Variants in WDR7 observed in about 807,000 individuals in gnomAD.
WDR7 encodes WD repeat-containing protein 7.
A neutral mutation model predicts 169.4 loss-of-function variants in WDR7; 46 were observed. The observed-to-expected ratio is 0.27, with a 90% CI of 0.21 to 0.35. The LOEUF is 0.35. Among genes scored for constraint, WDR7 ranks in the 10% least tolerant of loss-of-function variants. The pLI is 1.00. For missense variants in WDR7, 1,534 were observed against 1,859.3 expected (o/e 0.83, Z 3.22); for synonymous variants, 612 against 666.8 (o/e 0.92, Z 1.27).
chr18:56,770,933 T>G (rs2044145716), intron 16 of WDR7, among the ~76,000 whole-genome samples: 1 of 152,198 alleles, frequency 6.6e-6, no homozygotes, highest in Non-Finnish European at 1.5e-5. Flanking sequence ...TTTGCATATA[T>G]TGTTTGTATC....
At chr18:56,787,756 G>A (rs2044424744) in intron 19 of WDR7, among the ~76,000 whole-genome samples, 1 of 152,224 alleles carries the variant, frequency 6.6e-6, no homozygotes, top group Non-Finnish European at 1.5e-5. Context: ...TTATAAAGTA[G>A]TGGTCATTCT....
At chr18:56,995,391 A>G (rs1280960748) in intron 26 of WDR7, among the ~76,000 whole-genome samples, 1 of 152,108 alleles carries the variant, frequency 6.6e-6, no homozygotes, top group East Asian at 1.9e-4. Context: ...TGTAGCATCT[A>G]TTAGGGTTGG....
Position 56,939,349 on chromosome 18 carries a change from A to G in WDR7, c.4020A>G (p.Leu1340=), listed in dbSNP as rs1376084140. Residue 1340 remains leucine (L), a synonymous_variant, in exon 25 of 28, where the codon TTA becomes TTG. Transcript: ENST00000254442. Reference sequence around the variant, plus strand: ...TTATGTACTGCCTTGAAGGATCTTTAGTTAAAAAGAAAGGTCTTCAAGAAT... The same window carrying G: ...TTATGTACTGCCTTGAAGGATCTTTGGTTAAAAAGAAAGGTCTTCAAGAAT... ...DIIMYCLEGS[L]VKKKGLQECF... is the part of the protein sequence containing the mutation. 4 of 1,583,280 alleles carry G rather than the reference A, an allele frequency of 2.5e-6. No individual in the cohort carries two copies. In the Admixed American group the frequency reaches 5.2e-5, roughly 21 times the overall value.
Position 56,938,586 on chromosome 18 carries a change from C to G in WDR7, c.3885C>G (p.His1295Gln), listed in dbSNP as rs1555714377. The G allele has an allele frequency of 6.2e-7, 1 of 1,613,846 alleles. No homozygotes were observed. Among genetic ancestry groups the G allele is most frequent in the Non-Finnish European group, 8.5e-7 (1 of 1,179,898 alleles). The change falls in exon 24 of 28, where the codon CAC becomes CAG. Residue 1295 changes from histidine to glutamine, a missense_variant. Physicochemically the swap from His to Gln is conservative, Grantham distance 24. Coordinates refer to ENST00000254442, the MANE Select transcript of WDR7 (RefSeq NM_015285.3). ...ATACCCAATCACAGCAGAATATGCACACAACAACTCTTGCACGAGCTAAAG... is the reference window on the plus strand; with the variant it reads ...ATACCCAATCACAGCAGAATATGCAGACAACAACTCTTGCACGAGCTAAAG... The part of the protein sequence containing the change: ...AANTQSQQNM[H>Q]TTTLARAKGE...
At chr18:56,997,454 AT>A (rs72536221) in intron 26 of WDR7, among the ~76,000 whole-genome samples, 39,978 of 152,026 alleles carry the variant, frequency 0.26, 6,171 homozygotes, top group Non-Finnish European at 0.35. Context: ...TATTGTAAAT[AT>A]TATGTGGGTG....
chr18:56,781,856 G>C (rs142953498), intron 19 of WDR7, 200 bp downstream of exon 19: 6 of 470,292 alleles, frequency 1.3e-5, no homozygotes, highest in Middle Eastern at 5.9e-4. Context: ...AAAGGCAAAG[G>C]CTGTCTATAT....
rs573203751 is a variant in WDR7, at chr18:56,804,677, G to A, written c.3191-11354G>A. Reference sequence around the variant, plus strand: ...GTACTCAGCTTTATAACAGTGGTCCGCTGAGATACTGTGTTAGACAATCTA... The same window carrying A: ...GTACTCAGCTTTATAACAGTGGTCCACTGAGATACTGTGTTAGACAATCTA... On this transcript the variant is annotated intron_variant, in intron 19 of 27. Coordinates refer to ENST00000254442, the MANE Select transcript of WDR7 (RefSeq NM_015285.3). Among the ~76,000 whole-genome samples the A allele has an allele frequency of 3.9e-5, 6 of 152,278 alleles. No homozygotes were observed. In the South Asian group the frequency reaches 8.3e-4, roughly 21 times the overall value.
chr18:56,660,465 T>A (rs2024880283), intron 1 of WDR7, among the ~76,000 whole-genome samples: 1 of 152,052 alleles, frequency 6.6e-6, no homozygotes, highest in South Asian at 2.1e-4. Flanking sequence ...CCTGTAAGTA[T>A]AATACAAATA....
intron 25 of WDR7, among the ~76,000 whole-genome samples, chr18:56,948,899 C>G (rs1173223041): frequency 6.6e-6 from 1 of 152,150 alleles, no homozygotes; most frequent in African/African-American, 2.4e-5. Flanking sequence ...CAAGCCCAGG[C>G]CTCTTCCTCT....
chr18:56,744,257 A>G (rs1044447541), intron 14 of WDR7, among the ~76,000 whole-genome samples: 1 of 140,846 alleles, frequency 7.1e-6, no homozygotes, highest in African/African-American at 3.1e-5. Flanking sequence ...AAAAAAAAAA[A>G]AAAAAAAAAA....
rs112949155 is a variant in WDR7 at position 56,694,972 on chromosome 18, T to A, written c.1131T>A (p.Ile377=). 6.2e-7 allele frequency: 1 copy of A among 1,614,030 alleles called. No homozygotes were observed. The highest frequency in any genetic ancestry group is 1.1e-5 in the South Asian group (1 of 91,088). ...SEEGLAMTTS[I]SLQEAFDKLN... ...CAGGGCTGGCAATGACAACTTCTAT[T>A]AGTTTGCAAGAGGCATTTGATAAAC... The change falls in exon 11 of 28, where the codon ATT becomes ATA. Residue 377 remains isoleucine, a synonymous_variant. Coordinates refer to ENST00000254442, the MANE Select transcript of WDR7 (RefSeq NM_015285.3).
At chr18:56,954,170 T>C (rs760061690) in intron 25 of WDR7, among the ~76,000 whole-genome samples, 19 of 152,348 alleles carry the variant, frequency 1.2e-4, no homozygotes, top group East Asian at 1.9e-4. Context: ...TCTAAAATCA[T>C]TGACATTAAA....
At chr18:56,813,708 T>C (rs1020149611) in intron 19 of WDR7, among the ~76,000 whole-genome samples, 46 of 152,140 alleles carry the variant, frequency 3.0e-4, no homozygotes, top group Non-Finnish European at 5.7e-4. Flanking sequence ...ACTATCTTTA[T>C]GAGAGATACT....
intron 20 of WDR7, among the ~76,000 whole-genome samples, chr18:56,867,799 T>C (rs982564825): frequency 2.0e-5 from 3 of 152,162 alleles, no homozygotes; most frequent in Non-Finnish European, 4.4e-5. Flanking sequence ...ATTGGAATAA[T>C]TGTGCAAAAA....
At chr18:56,986,176 GTGTA>G (rs879775927) in intron 26 of WDR7, among the ~76,000 whole-genome samples, 3,221 of 117,828 alleles carry the variant, frequency 0.027, 41 homozygotes, top group Non-Finnish European at 0.041. Context: ...GTGTGTGTGT[GTGTA>G]TACATATTCA....
intron 27 of WDR7, among the ~76,000 whole-genome samples, chr18:57,026,598 C>T (rs998061486): frequency 6.6e-6 from 1 of 152,238 alleles, no homozygotes; most frequent in Non-Finnish European, 1.5e-5. Flanking sequence ...AATCCCAAAA[C>T]TTGTCTTCGC....
intron 19 of WDR7, among the ~76,000 whole-genome samples, chr18:56,792,179 A>G (rs549366465): frequency 5.9e-5 from 9 of 152,080 alleles, no homozygotes; most frequent in Non-Finnish European, 1.0e-4. Context: ...CACCATGTCT[A>G]GCTAATTTAA....
chr18:56,885,308 A>T (rs565054611), intron 21 of WDR7, among the ~76,000 whole-genome samples: 2 of 152,294 alleles, frequency 1.3e-5, no homozygotes, highest in South Asian at 4.1e-4. Context: ...CCAGAAAAAG[A>T]ATTCAGAAGG....
intron 14 of WDR7, among the ~76,000 whole-genome samples, chr18:56,741,283 A>G (rs999790661): frequency 6.6e-6 from 1 of 152,148 alleles, no homozygotes; most frequent in African/African-American, 2.4e-5. Flanking sequence ...TGTTTGTCCC[A>G]TTATCTATAT....
Sources: allele counts gnomAD v4.1 joint callset (sites outside exome capture counted in the v4.1 genomes callset), GRCh38; gene constraint gnomAD v4.1.1; transcripts MANE v1.5; gene names NCBI Gene and HGNC (gene_info 2026-07-23, HGNC 2026-07-21).